PROCA1: variants seen among roughly 807,000 people sequenced by gnomAD.
PROCA1 encodes the protein protein interacting with cyclin A1.
Under a neutral mutation model 23.2 loss-of-function variants are expected in PROCA1, and 22 were observed. The observed-to-expected ratio is 0.95, with a 90% confidence interval of 0.68 to 1.35. The LOEUF (loss-of-function observed/expected upper bound fraction) is 1.35. Ranked by LOEUF, PROCA1 falls within the 40% of genes most tolerant of loss-of-function variation. PROCA1 has a pLI of 0.00. For synonymous variants in PROCA1, 182 were observed against 179.2 expected (o/e 1.02, Z -0.12); for missense variants, 469 against 459.8 (o/e 1.02, Z -0.18).
chr17:28,709,762 C>T (rs974271915), intron 1 of PROCA1, among the ~76,000 whole-genome samples: 1 of 151,656 alleles, frequency 6.6e-6, no homozygotes. Flanking sequence ...TTTGAGAGGC[C>T]GAGGTGGGCG....
Position 28,703,573 on chromosome 17 carries a change from G to A in PROCA1, c.1080C>T (p.Asn360=). The change falls in exon 5 of 5, where the codon AAC becomes AAT. Residue 360 remains asparagine (N), a synonymous_variant. Coordinates refer to ENST00000682792, the MANE Select transcript of PROCA1 (RefSeq NM_001366301.1). ...CACCCTGGCCTCAACTGAGGTTGGG[G>A]TTTGATCCTGGGGGAGATTTTCTCT... is the stretch of plus-strand genomic sequence containing the variant. The part of the protein sequence containing the change: ...VNKRKSPPGS[N]PNLS The A allele has an allele frequency of 6.2e-7, 1 of 1,613,928 alleles. No homozygotes were observed. The highest frequency in any genetic ancestry group is 1.1e-5 in the South Asian group (1 of 91,062).
Position 28,703,615 on chromosome 17 carries a change from T to G in PROCA1, c.1038A>C (p.Gln346His). Residue 346 changes from glutamine (Q) to histidine (H), a missense_variant, in exon 5 of 5, where the codon CAA (glutamine) becomes CAC (histidine). Physicochemically the swap from Gln to His is conservative, Grantham distance 24. Coordinates refer to ENST00000682792, the MANE Select transcript of PROCA1 (RefSeq NM_001366301.1). ...ATTTTCTCTTGTTTACCTTCCTGGC[T>G]TGTGAGGGCTTTGCCCCTGTCTTTT... is the stretch of plus-strand genomic sequence containing the variant. The part of the protein sequence containing the change: ...QAKKTGAKPS[Q>H]ARKVNKRKSP... 1 of 1,614,226 alleles carries G rather than the reference T, an allele frequency of 6.2e-7. No individual in the cohort carries two copies. The highest frequency in any genetic ancestry group is 8.5e-7 in the Non-Finnish European group (1 of 1,180,052).
rs1567713483 is a variant in PROCA1 at position 28,704,431 on chromosome 17, T to C, written c.316A>G (p.Lys106Glu). Residue 106 changes from lysine to glutamate, a missense_variant, in exon 4 of 5, where the codon AAG becomes GAG. Coordinates refer to ENST00000682792, the MANE Select transcript of PROCA1 (RefSeq NM_001366301.1). ...CTGCTGCTATCCTCTGAAGAGTCCTTCAGCCTGCCACACATGGGACTCTCA... is the reference window on the plus strand; with the variant it reads ...CTGCTGCTATCCTCTGAAGAGTCCTCCAGCCTGCCACACATGGGACTCTCA... ...VNHCNCNSRLKDSSEDSSSSR... is the reference protein window; with the variant it reads ...VNHCNCNSRLEDSSEDSSSSR... 2 of 1,611,546 alleles carry C rather than the reference T, an allele frequency of 1.2e-6. No individual in the cohort carries two copies. The highest frequency in any genetic ancestry group is 4.5e-5 in the East Asian group (2 of 44,844).
At position 28,703,304 on chromosome 17, in the gene PROCA1, C is replaced by T. The variant is rs1215296607; in HGVS notation, c.*254G>A. 5.9e-6 allele frequency: 3 copies of T among 510,752 alleles called. No individual in the cohort carries two copies. The highest frequency in any genetic ancestry group is 1.0e-5 in the Non-Finnish European group (3 of 288,918). 31.6% of individuals were successfully genotyped at this position (510,752 alleles called of 1,614,324 possible). On this transcript the variant is annotated 3_prime_UTR_variant, in exon 5 of 5. Coordinates refer to ENST00000682792, the MANE Select transcript of PROCA1 (RefSeq NM_001366301.1). ...TCTCGCAGCAGAGAGGGGAAGCCCT[C>T]CTTCCCACCCCAGATACACTCTTCC... is the stretch of plus-strand genomic sequence containing the variant.
chr17:28,711,396 C>CCCCCGGCCCTAGCTCCG lies in PROCA1; in HGVS notation c.91+157_91+173dup, dbSNP rs377681110. ...TGGCCCGCGGCTCGACGCGAGCCCG[C>CCCCCGGCCCTAGCTCCG]CCCCGGCCCTAGCTCCGCCCCGGCC... On this transcript the variant is annotated intron_variant, in intron 1 of 4. Coordinates refer to ENST00000682792, the MANE Select transcript of PROCA1 (RefSeq NM_001366301.1). 1.5e-4 allele frequency: 91 copies of CCCCCGGCCCTAGCTCCG among 595,808 alleles called. 1 individual carries two copies. The highest frequency in any genetic ancestry group is 4.6e-4 in the Middle Eastern group (1 of 2,152). The allele number at this position is 595,808 out of a possible 1,614,324, so 36.9% of individuals were successfully genotyped here.
At position 28,703,638 on chromosome 17, in the gene PROCA1, T is replaced by C; in HGVS notation, c.1015A>G (p.Lys339Glu). 1.2e-6 allele frequency: 2 copies of C among 1,614,212 alleles called. No individual in the cohort carries two copies. Among genetic ancestry groups the C allele is most frequent in the Non-Finnish European group, 1.7e-6 (2 of 1,180,034 alleles). ...GCTTGTGAGGGCTTTGCCCCTGTCT[T>C]TTTGGCCTGGACTGTGTTCTCTCTC... ...RKRENTVQAK[K>E]TGAKPSQARK... is the part of the protein sequence containing the mutation. Residue 339 changes from lysine to glutamate, a missense_variant, in exon 5 of 5, where the codon AAG becomes GAG. Lys to Glu is a moderately conservative substitution (Grantham distance 56). Transcript: ENST00000682792.
At position 28,703,542 on chromosome 17, in the gene PROCA1, C is replaced by T. The variant is rs748469721; in HGVS notation, c.*16G>A. The T allele has an allele frequency of 3.7e-6, 6 of 1,606,380 alleles. No homozygotes were observed. The highest frequency in any genetic ancestry group is 4.3e-6 in the Non-Finnish European group (5 of 1,176,048). On this transcript the variant is annotated 3_prime_UTR_variant, in exon 5 of 5. Transcript: ENST00000682792. ...AGGCTCGATGGCATTTATTCTGCAC[C>T]CTGACCACCCTGGCCTCAACTGAGG...
At chr17:28,704,510 T>C in intron 3 of PROCA1, 75 bp from the exon 4 acceptor site, 2 of 1,563,962 alleles carry the variant, frequency 1.3e-6, no homozygotes, top group East Asian at 2.3e-5. Flanking sequence ...TGAGGGACAG[T>C]GGGCTTCCGC....
chr17:28,704,103 T>G lies in PROCA1; in HGVS notation c.550A>C (p.Lys184Gln). Residue 184 changes from lysine (K) to glutamine (Q), a missense_variant, in exon 5 of 5, where the codon AAG becomes CAG. By Grantham distance (53) the Lys-to-Gln change is moderately conservative. Transcript: ENST00000682792. ...CCCACCTGTGTCGGGATGGGGGGCT[T>G]GCTTTCCTCCTCCTCCTCTTCCTCT... ...EEEEEEEEESKPPIPTQVGPA... is the reference protein window; with the variant it reads ...EEEEEEEEESQPPIPTQVGPA... 6.3e-7 allele frequency: 1 copy of G among 1,583,106 alleles called. No individual in the cohort carries two copies. The highest frequency in any genetic ancestry group is 8.6e-7 in the Non-Finnish European group (1 of 1,169,304).
rs766684452 is a variant in PROCA1, at chr17:28,704,125, CTCT to C, written c.525_527del (p.Glu182del). ...GCTTGCTTTCCTCCTCCTCCTCTTC[CTCT>C]TCTTCATTTAGATCATCTGCCCCAC... On this transcript the variant is annotated inframe_deletion, in exon 5 of 5. Coordinates refer to ENST00000682792, the MANE Select transcript of PROCA1 (RefSeq NM_001366301.1). 311 of 1,567,836 alleles carry C rather than the reference CTCT, an allele frequency of 2.0e-4. 1 individual carries two copies. In the African/African-American group the frequency reaches 3.6e-3, roughly 18 times the overall value.
At chr17:28,710,937 G>C in intron 1 of PROCA1, 1 of 1,270,046 alleles carries the variant, frequency 7.9e-7, no homozygotes, top group Non-Finnish European at 1.0e-6. Flanking sequence ...TCGACCTCGA[G>C]GCACTGGGGG....
At chr17:28,707,483 A>G (rs1293620660) in intron 1 of PROCA1, 1 of 152,222 alleles carries the variant, frequency 6.6e-6, no homozygotes, top group African/African-American at 2.4e-5. Context: ...AATGACTTTA[A>G]GCACTTCCTG....
At chr17:28,710,578 C>A (rs1029998566) in intron 1 of PROCA1, among the ~76,000 whole-genome samples, 1 of 151,822 alleles carries the variant, frequency 6.6e-6, no homozygotes. Flanking sequence ...ACTAGCTCCC[C>A]CAGAGCTCGG....
chr17:28,704,151 C>T lies in PROCA1; in HGVS notation c.502G>A (p.Gly168Arg). The change falls in exon 5 of 5, where the codon GGG becomes AGG. Residue 168 changes from glycine to arginine, a missense_variant. By Grantham distance (125) the Gly-to-Arg change is moderately radical. Coordinates refer to ENST00000682792, the MANE Select transcript of PROCA1 (RefSeq NM_001366301.1). ...VIHHPLYHECGADDLNEEEEE... is the reference protein window; with the variant it reads ...VIHHPLYHECRADDLNEEEEE... ...TCTTCTTCATTTAGATCATCTGCCCCACACTCATGGTAGAGTGGATGGTGG... is the reference window on the plus strand; with the variant it reads ...TCTTCTTCATTTAGATCATCTGCCCTACACTCATGGTAGAGTGGATGGTGG... The T allele has an allele frequency of 6.4e-7, 1 of 1,553,122 alleles. No homozygotes were observed. Among genetic ancestry groups the T allele is most frequent in the African/African-American group, 1.4e-5 (1 of 72,784 alleles).
At chr17:28,710,797 A>C (rs937980810) in intron 1 of PROCA1, 2 of 1,303,866 alleles carry the variant, frequency 1.5e-6, no homozygotes, top group Non-Finnish European at 2.0e-6. Flanking sequence ...ATAGGGTGAA[A>C]GAAAGTGGGA....
In PROCA1 at chr17:28,703,675, T is replaced by C; in HGVS notation, c.978A>G (p.Ser326=). 6.2e-7 allele frequency: 1 copy of C among 1,614,224 alleles called. No homozygotes were observed. Among genetic ancestry groups the C allele is most frequent in the African/African-American group, 1.3e-5 (1 of 75,060 alleles). The change falls in exon 5 of 5, where the codon TCA becomes TCG. Residue 326 remains serine, a synonymous_variant. Transcript: ENST00000682792. ...CTGTGTTCTCTCTCTTCCTGGGCGA[T>C]GATGATTCCACAATATCCTCGCTGG... ...ELSSEDIVES[S]SPRKRENTVQ... is the part of the protein sequence containing the mutation.
chr17:28,708,624 G>A (rs1325953375), intron 1 of PROCA1, among the ~76,000 whole-genome samples: 2 of 151,520 alleles, frequency 1.3e-5, no homozygotes, highest in Admixed American at 6.6e-5. Flanking sequence ...GGTGGCTCAC[G>A]CCTGTAATCC....
chr17:28,711,163 A>T lies in PROCA1; in HGVS notation c.91+407T>A, dbSNP rs919790356. The T allele has an allele frequency of 1.4e-5, 17 of 1,173,772 alleles. No homozygotes were observed. In the African/African-American group the frequency reaches 2.2e-4, roughly 15 times the overall value. 72.7% of individuals were successfully genotyped at this position (1,173,772 alleles called of 1,614,324 possible). ...CCCTCAGTCTCCTTGGTCCACCCTC[A>T]GGGTCGATGGAACCGCCCGCTCCCG... On this transcript the variant is annotated intron_variant, in intron 1 of 4. Transcript: ENST00000682792.
chr17:28,708,816 C>CAA (rs2032648842), intron 1 of PROCA1, among the ~76,000 whole-genome samples: 1 of 150,870 alleles, frequency 6.6e-6, no homozygotes, highest in Non-Finnish European at 1.5e-5. Context: ...GGCAACATGG[C>CAA]AAAACCCCAT....
Sources: gnomAD v4.1 joint callset for allele counts (sites outside exome capture counted in the v4.1 genomes callset) on GRCh38, gnomAD v4.1.1 for gene constraint, MANE v1.5 for transcripts, NCBI Gene and HGNC (gene_info 2026-07-23, HGNC 2026-07-21) for gene names.